Variants in CDKAL1 observed in about 807,000 individuals in gnomAD.
The protein encoded by CDKAL1 is threonylcarbamoyladenosine tRNA methylthiotransferase.
In CDKAL1, 32 loss-of-function variants were observed where a neutral mutation model predicts 68.2. The ratio of observed to expected loss-of-function variants is 0.47; its 90% CI spans 0.35 to 0.63. CDKAL1 has a LOEUF of 0.63. CDKAL1 is among the 30% of genes least tolerant of loss of function. The pLI, the probability that CDKAL1 is intolerant of heterozygous loss-of-function variation, is 0.00. For missense variants in CDKAL1, 606 were observed against 696.7 expected (o/e 0.87, Z 1.47); for synonymous variants, 234 against 244.3 (o/e 0.96, Z 0.39).
At position 20,803,312 on chromosome 6, in the gene CDKAL1, C is replaced by T. The variant is rs557438506; in HGVS notation, c.638+22047C>T. ...CTCATCAATGCCAGCCTGCCTGTCT[C>T]AACATACCATTCTGTAACATGTGTT... On this transcript the variant is annotated intron_variant, in intron 8 of 15. Coordinates refer to ENST00000274695, the MANE Select transcript of CDKAL1 (RefSeq NM_017774.3). Among the ~76,000 whole-genome samples, 35 of 152,296 alleles carry T rather than the reference C, an allele frequency of 2.3e-4. 1 individual carries two copies. The highest frequency in any genetic ancestry group is 7.9e-4 in the African/African-American group (33 of 41,562).
intron 12 of CDKAL1, among the ~76,000 whole-genome samples, chr6:21,092,175 T>C (rs985341684): frequency 6.7e-5 from 9 of 134,612 alleles, no homozygotes; most frequent in Non-Finnish European, 1.1e-4. Context: ...CGTGAGCCAC[T>C]GCGCCTGGCC....
chr6:20,906,224 A>G (rs1762223827), intron 9 of CDKAL1, among the ~76,000 whole-genome samples: 1 of 151,960 alleles, frequency 6.6e-6, no homozygotes, highest in Non-Finnish European at 1.5e-5. Flanking sequence ...TAAGAGACTA[A>G]TGCATTTAAG....
At chr6:21,078,633 C>G (rs1433998454) in intron 12 of CDKAL1, among the ~76,000 whole-genome samples, 3 of 152,202 alleles carry the variant, frequency 2.0e-5, no homozygotes, top group Non-Finnish European at 2.9e-5. Context: ...GCTCCCACAT[C>G]TGACTGCTTG....
In CDKAL1 at chr6:20,808,006, A is replaced by G. The variant is rs548492422; in HGVS notation, c.638+26741A>G. On this transcript the variant is annotated intron_variant, in intron 8 of 15. Coordinates refer to ENST00000274695, the MANE Select transcript of CDKAL1 (RefSeq NM_017774.3). Reference sequence around the variant, plus strand: ...AAATATGAAGAATAGAATACTATAGATACCTTCCAAGTGATGAATTTGCTC... The same window carrying G: ...AAATATGAAGAATAGAATACTATAGGTACCTTCCAAGTGATGAATTTGCTC... Among the ~76,000 whole-genome samples the G allele has an allele frequency of 4.7e-4, 72 of 152,322 alleles. 1 individual carries two copies. Among genetic ancestry groups the G allele is most frequent in the African/African-American group, 1.7e-3 (70 of 41,580 alleles).
chr6:21,106,190 A>AT (rs1773835747), intron 12 of CDKAL1, among the ~76,000 whole-genome samples: 1 of 152,254 alleles, frequency 6.6e-6, no homozygotes, highest in African/African-American at 2.4e-5. Context: ...ATATTAAAAA[A>AT]TTGAAATGAA....
intron 5 of CDKAL1, among the ~76,000 whole-genome samples, chr6:20,701,078 T>C (rs1005872185): frequency 6.6e-6 from 1 of 152,154 alleles, no homozygotes; most frequent in Non-Finnish European, 1.5e-5. Flanking sequence ...TGAGATTTTA[T>C]CACCTTCAGG....
intron 10 of CDKAL1, among the ~76,000 whole-genome samples, chr6:20,992,457 A>C (rs1488562341): frequency 1.3e-5 from 2 of 152,140 alleles, no homozygotes; most frequent in Non-Finnish European, 2.9e-5. Context: ...TGCCATTAGA[A>C]TGTTTGTGTT....
intron 9 of CDKAL1, among the ~76,000 whole-genome samples, chr6:20,856,880 CT>C (rs1476241409): frequency 1.3e-5 from 2 of 152,200 alleles, no homozygotes; most frequent in Non-Finnish European, 2.9e-5. Flanking sequence ...AAAAGTACTA[CT>C]TTGTGATGCC....
At chr6:20,935,261 T>A (rs995607988) in intron 9 of CDKAL1, among the ~76,000 whole-genome samples, 4 of 152,186 alleles carry the variant, frequency 2.6e-5, no homozygotes, top group African/African-American at 9.7e-5. Flanking sequence ...TTAATAGCTT[T>A]GTAATTTATA....
chr6:20,932,936 T>A (rs1401585617), intron 9 of CDKAL1, among the ~76,000 whole-genome samples: 1 of 152,200 alleles, frequency 6.6e-6, no homozygotes, highest in African/African-American at 2.4e-5. Flanking sequence ...TTGATTGTTA[T>A]TGTATTTAGT....
chr6:20,802,315 CAATAATAAT>C (rs55851833), intron 8 of CDKAL1, among the ~76,000 whole-genome samples: 7 of 115,500 alleles, frequency 6.1e-5, no homozygotes, highest in Admixed American at 3.4e-4. Flanking sequence ...ACAACAACAA[CAATAATAAT>C]AATAATAATA....
At chr6:20,845,722 G>A (rs940422215) in intron 8 of CDKAL1, among the ~76,000 whole-genome samples, 4 of 152,090 alleles carry the variant, frequency 2.6e-5, no homozygotes, top group Non-Finnish European at 5.9e-5. Context: ...AGTTATGATG[G>A]CCAAAGTAAT....
intron 10 of CDKAL1, among the ~76,000 whole-genome samples, chr6:20,981,889 T>C (rs1766169474): frequency 6.6e-6 from 1 of 152,210 alleles, no homozygotes; most frequent in Non-Finnish European, 1.5e-5. Flanking sequence ...CCTTCCTTCC[T>C]AGTTCACTTC....
intron 8 of CDKAL1, among the ~76,000 whole-genome samples, chr6:20,812,637 G>T (rs751089052): frequency 1.3e-5 from 2 of 152,022 alleles, no homozygotes; most frequent in Non-Finnish European, 2.9e-5. Flanking sequence ...TATCCAGTAC[G>T]TTCCCCTATT....
At chr6:20,702,856 C>A (rs1452974780) in intron 5 of CDKAL1, among the ~76,000 whole-genome samples, 3 of 152,002 alleles carry the variant, frequency 2.0e-5, no homozygotes, top group Non-Finnish European at 1.5e-5. Context: ...AGGGGCCACG[C>A]CCTTCTCTAC....
intron 9 of CDKAL1, among the ~76,000 whole-genome samples, chr6:20,934,465 T>C (rs759012436): frequency 5.9e-5 from 9 of 152,182 alleles, no homozygotes; most frequent in Non-Finnish European, 8.8e-5. Flanking sequence ...ATTATCATCA[T>C]TTGTGGCCTT....
intron 5 of CDKAL1, among the ~76,000 whole-genome samples, chr6:20,729,958 C>T (rs113576415): frequency 5.3e-5 from 8 of 152,274 alleles, no homozygotes; most frequent in East Asian, 1.9e-4. Flanking sequence ...CCAAAATCCC[C>T]ATCTTTATGA....
At chr6:21,198,172 G>A in intron 14 of CDKAL1, 68 bp downstream of exon 14, 1 of 1,108,668 alleles carries the variant, frequency 9.0e-7, no homozygotes, top group Non-Finnish European at 1.3e-6. Context: ...TTTAAGCAAA[G>A]GGCATTTAAA....
In CDKAL1 at chr6:20,991,706, C is replaced by CAAA. The variant is rs35504365; in HGVS notation, c.910-8498_910-8496dup. 7.5e-3 allele frequency among the ~76,000 whole-genome samples: 446 copies of CAAA among 59,472 alleles called. 15 individuals carry two copies. Among genetic ancestry groups the CAAA allele is most frequent in the Admixed American group, 0.012 (51 of 4,198 alleles). 39.0% of individuals were successfully genotyped at this position (59,472 alleles called of 152,430 possible). Reference sequence around the variant, plus strand: ...TGGGTGACAGAGTGATATTCCCTCTCAAAAAAAAAAAAAAAAAAAAAAAAA... The same window carrying CAAA: ...TGGGTGACAGAGTGATATTCCCTCTCAAAAAAAAAAAAAAAAAAAAAAAAAAAA... On this transcript the variant is annotated intron_variant, in intron 10 of 15. Transcript: ENST00000274695.
Sources: allele counts gnomAD v4.1 joint callset (sites outside exome capture counted in the v4.1 genomes callset), GRCh38; gene constraint gnomAD v4.1.1; transcripts MANE v1.5; gene names NCBI Gene and HGNC (gene_info 2026-07-23, HGNC 2026-07-21).